The following NRG3 variants were observed in gnomAD, a reference collection of about 807,000 sequenced individuals.
The protein encoded by NRG3 is neuregulin 3.
Under a neutral mutation model 66.9 loss-of-function variants are expected in NRG3, and 31 were observed. The ratio of observed to expected loss-of-function variants is 0.46; its 90% CI spans 0.35 to 0.63. The LOEUF (loss-of-function observed/expected upper bound fraction) is 0.63. NRG3 is among the 20% of genes least tolerant of loss of function. The probability of loss-of-function intolerance (pLI) is 0.00; values close to 1 mark genes in which losing one functional copy is unlikely to be tolerated. For missense variants in NRG3, 910 were observed against 878.9 expected (o/e 1.04, Z -0.45); for synonymous variants, 393 against 359.4 (o/e 1.09, Z -1.06).
At chr10:82,378,282 T>C (rs923003212) in intron 2 of NRG3, among the ~76,000 whole-genome samples, 2 of 152,192 alleles carry the variant, frequency 1.3e-5, no homozygotes, top group African/African-American at 4.8e-5. Flanking sequence ...GAAATACGTC[T>C]GTGGGAGACA....
intron 2 of NRG3, among the ~76,000 whole-genome samples, chr10:82,721,641 T>C (rs2057329884): frequency 6.6e-6 from 1 of 151,924 alleles, no homozygotes; most frequent in Admixed American, 6.6e-5. Context: ...CAGGCTCGTC[T>C]GGAACTCCTG....
chr10:82,123,020 A>T (rs148484105), intron 1 of NRG3, among the ~76,000 whole-genome samples: 5 of 151,276 alleles, frequency 3.3e-5, no homozygotes, highest in African/African-American at 1.2e-4. Flanking sequence ...AAAAAAACAC[A>T]TAAGAACACC....
chr10:82,864,805 A>G (rs552330295), intron 3 of NRG3, among the ~76,000 whole-genome samples: 1 of 152,188 alleles, frequency 6.6e-6, no homozygotes, highest in African/African-American at 2.4e-5. Flanking sequence ...GGTCAGATCA[A>G]CCAAATTGGT....
Position 82,184,686 on chromosome 10 carries a change from C to T in NRG3, c.824-174053C>T, listed in dbSNP as rs145579954. On this transcript the variant is annotated intron_variant, in intron 1 of 8. Transcript: ENST00000372141. ...GATATAATAAATATTCTTGCCCAAA[C>T]GAAGAATGTGTTACTTTGGAAGAGG... Among the ~76,000 whole-genome samples the T allele has an allele frequency of 3.5e-3, 528 of 152,114 alleles. 5 individuals carry two copies. The highest frequency in any genetic ancestry group is 0.012 in the African/African-American group (494 of 41,532).
At chr10:82,599,098 A>G (rs1324382269) in intron 2 of NRG3, among the ~76,000 whole-genome samples, 1 of 152,098 alleles carries the variant, frequency 6.6e-6, no homozygotes, top group African/African-American at 2.4e-5. Flanking sequence ...AGAAAACTGA[A>G]GGTCAGTAGG....
intron 2 of NRG3, among the ~76,000 whole-genome samples, chr10:82,574,230 G>T (rs1379471992): frequency 1.3e-5 from 2 of 151,700 alleles, no homozygotes; most frequent in African/African-American, 4.8e-5. Flanking sequence ...CATATCATTT[G>T]CAGCAACGTG....
chr10:82,899,492 A>T (rs1843998966), intron 4 of NRG3, among the ~76,000 whole-genome samples: 1 of 152,218 alleles, frequency 6.6e-6, no homozygotes, highest in Non-Finnish European at 1.5e-5. Flanking sequence ...GATGTGTTGC[A>T]GGAATGTGCG....
chr10:82,399,810 G>A (rs1478223521), intron 2 of NRG3, among the ~76,000 whole-genome samples: 1 of 152,176 alleles, frequency 6.6e-6, no homozygotes, highest in African/African-American at 2.4e-5. Context: ...AGCCAAAGCA[G>A]AATCACAGAC....
intron 2 of NRG3, among the ~76,000 whole-genome samples, chr10:82,445,388 G>A (rs753359591): frequency 6.6e-6 from 1 of 152,138 alleles, no homozygotes; most frequent in Non-Finnish European, 1.5e-5. Context: ...TTTTTCCTGT[G>A]CTGGACAAAT....
At chr10:82,307,853 AT>A (rs1300356778) in intron 1 of NRG3, among the ~76,000 whole-genome samples, 3 of 148,710 alleles carry the variant, frequency 2.0e-5, no homozygotes, top group African/African-American at 5.0e-5. Context: ...TGGTTTCACT[AT>A]TTTTTTCACA....
At chr10:82,010,879 C>G (rs2061548624) in intron 1 of NRG3, among the ~76,000 whole-genome samples, 1 of 152,080 alleles carries the variant, frequency 6.6e-6, no homozygotes, top group Non-Finnish European at 1.5e-5. Context: ...AACAGAAGCC[C>G]CTCAACTTCA....
intron 2 of NRG3, among the ~76,000 whole-genome samples, chr10:82,496,469 G>T (rs1354843263): frequency 2.6e-5 from 4 of 152,014 alleles, no homozygotes; most frequent in African/African-American, 9.7e-5. Flanking sequence ...AGAGATAAAA[G>T]AATTACAAAA....
At position 82,132,747 on chromosome 10, in the gene NRG3, C is replaced by T. The variant is rs2069021493; in HGVS notation, c.824-225992C>T. On this transcript the variant is annotated intron_variant, in intron 1 of 8. Coordinates refer to ENST00000372141, the MANE Select transcript of NRG3 (RefSeq NM_001010848.4). ...ATACTTTTTATTACAGCTTTGATCT[C>T]ATTACTTGTTATTCGTCTATTCAGG... is the stretch of plus-strand genomic sequence containing the variant. Among the ~76,000 whole-genome samples the T allele has an allele frequency of 3.3e-5, 5 of 151,124 alleles. No individual in the cohort carries two copies. In the South Asian group the frequency reaches 1.0e-3, roughly 31 times the overall value.
At chr10:82,016,796 T>C (rs2061805563) in intron 1 of NRG3, among the ~76,000 whole-genome samples, 1 of 152,116 alleles carries the variant, frequency 6.6e-6, no homozygotes, top group Non-Finnish European at 1.5e-5. Context: ...AATGTGGGAA[T>C]TTAATAGCAA....
At chr10:82,823,987 C>T (rs912156069) in intron 3 of NRG3, among the ~76,000 whole-genome samples, 1 of 152,068 alleles carries the variant, frequency 6.6e-6, no homozygotes, top group African/African-American at 2.4e-5. Context: ...AAAACAACAA[C>T]AAAACAACAG....
chr10:82,373,474 T>A (rs1231156053), intron 2 of NRG3, among the ~76,000 whole-genome samples: 1 of 152,138 alleles, frequency 6.6e-6, no homozygotes, highest in Non-Finnish European at 1.5e-5. Flanking sequence ...AGCAGGTGGA[T>A]CCCAATGACC....
intron 4 of NRG3, among the ~76,000 whole-genome samples, chr10:82,942,531 C>G (rs904485379): frequency 3.9e-5 from 6 of 152,140 alleles, no homozygotes; most frequent in African/African-American, 1.4e-4. Flanking sequence ...ATTTATTTTT[C>G]TTAAAGGGAG....
At chr10:82,075,338 G>A (rs1433729991) in intron 1 of NRG3, among the ~76,000 whole-genome samples, 1 of 152,008 alleles carries the variant, frequency 6.6e-6, no homozygotes, top group Non-Finnish European at 1.5e-5. Context: ...AGATTTTGAT[G>A]GATACATTTT....
chr10:82,812,893 TC>T (rs1439646889), intron 3 of NRG3, among the ~76,000 whole-genome samples: 2 of 152,170 alleles, frequency 1.3e-5, no homozygotes, highest in Non-Finnish European at 2.9e-5. Context: ...AATTTGAATT[TC>T]TCCTCTGCAA....
Sources: allele counts gnomAD v4.1 joint callset (sites outside exome capture counted in the v4.1 genomes callset), GRCh38; gene constraint gnomAD v4.1.1; transcripts MANE v1.5; gene names NCBI Gene and HGNC (gene_info 2026-07-23, HGNC 2026-07-21).